The following GSG1L variants were observed in gnomAD, a reference collection of about 807,000 sequenced individuals.
GSG1L encodes GSG1 like, also known as germ cell-specific gene 1-like protein.
A neutral mutation model predicts 42.1 loss-of-function variants in GSG1L; 24 were observed. The observed-to-expected ratio is 0.57, with a 90% CI of 0.41 to 0.80. The LOEUF is 0.80. GSG1L is among the 30% of genes least tolerant of loss of function. The pLI, the probability that GSG1L is intolerant of heterozygous loss-of-function variation, is 0.00. For synonymous variants in GSG1L, 215 were observed against 203.5 expected, an observed-to-expected ratio of 1.06 and a Z score of -0.48; for missense variants, 445 against 472.2, an observed-to-expected ratio of 0.94 and a Z score of 0.53.
intron 1 of GSG1L, among the ~76,000 whole-genome samples, chr16:27,994,754 C>A (rs2085495650): frequency 6.6e-6 from 1 of 152,062 alleles, no homozygotes; most frequent in Admixed American, 6.6e-5. Context: ...ATGAAAATAG[C>A]CAAAGTCTGG....
At chr16:27,809,431 C>G (rs1026061493) in intron 5 of GSG1L, among the ~76,000 whole-genome samples, 3 of 151,774 alleles carry the variant, frequency 2.0e-5, no homozygotes, top group Non-Finnish European at 2.9e-5. Flanking sequence ...TAAGCCAGCA[C>G]ATGTGGTGTG....
chr16:28,063,373 G>A lies in GSG1L; in HGVS notation c.52C>T (p.Leu18=). 7.1e-7 allele frequency: 1 copy of A among 1,398,990 alleles called. No homozygotes were observed. The highest frequency in any genetic ancestry group is 9.4e-7 in the Non-Finnish European group (1 of 1,068,934). 86.7% of individuals were successfully genotyped at this position (1,398,990 alleles called of 1,614,324 possible). ...GCGGTGGTGGCGAACAGCAGCGCCA[G>A]CAGGTTCAGGGCCACGGCCAGGAGC... The part of the protein sequence containing the change: ...RALLAVALNL[L]ALLFATTAFL... Residue 18 remains leucine (L), a synonymous_variant, in exon 1 of 7, where the codon CTG becomes TTG. Transcript: ENST00000447459. The surrounding 1 kb of genome is among the most constrained non-coding windows in gnomAD (Gnocchi z 5.8).
chr16:27,919,010 A>G (rs1364668759), intron 2 of GSG1L, among the ~76,000 whole-genome samples: 3 of 152,168 alleles, frequency 2.0e-5, no homozygotes, highest in Non-Finnish European at 2.9e-5. Flanking sequence ...ACAGCTGTCC[A>G]GGCAGGCACT....
At chr16:27,989,888 T>A (rs1167946087) in intron 1 of GSG1L, among the ~76,000 whole-genome samples, 1 of 152,222 alleles carries the variant, frequency 6.6e-6, no homozygotes, top group Non-Finnish European at 1.5e-5. Context: ...TGTCTTGGTA[T>A]ATGCAGTTAA....
At chr16:27,937,415 A>C (rs1315233458) in intron 2 of GSG1L, among the ~76,000 whole-genome samples, 1 of 149,238 alleles carries the variant, frequency 6.7e-6, no homozygotes, top group Non-Finnish European at 1.5e-5. Flanking sequence ...CTAATTTTGT[A>C]TTTTTTAGTA....
At chr16:27,902,083 T>A (rs1373051463) in intron 2 of GSG1L, among the ~76,000 whole-genome samples, 1 of 152,202 alleles carries the variant, frequency 6.6e-6, no homozygotes, top group African/African-American at 2.4e-5. Context: ...TTATTGGAAG[T>A]GGTGTTATTC....
rs563146121 is a variant in GSG1L, at chr16:27,890,855, C to A, written c.398-6217G>T. 2.0e-5 allele frequency among the ~76,000 whole-genome samples: 3 copies of A among 152,318 alleles called. No individual in the cohort carries two copies. The South Asian group carries it at 6.2e-4, about 32-fold the overall frequency. ...GGAGTCAACAGGATGCCTCTGAACA[C>A]ATGTGGGAAGTGGGATTCCAGGGGA... On this transcript the variant is annotated intron_variant, in intron 2 of 6. Coordinates refer to ENST00000447459, the MANE Select transcript of GSG1L (RefSeq NM_001109763.2).
At chr16:28,062,179 T>G (rs968881218) in intron 1 of GSG1L, among the ~76,000 whole-genome samples, 1 of 152,140 alleles carries the variant, frequency 6.6e-6, no homozygotes, top group Non-Finnish European at 1.5e-5. Flanking sequence ...CTACCTGCTG[T>G]GTGGCACAAC....
intron 6 of GSG1L, among the ~76,000 whole-genome samples, chr16:27,799,940 A>G (rs959596194): frequency 5.9e-5 from 9 of 152,166 alleles, no homozygotes; most frequent in African/African-American, 1.9e-4. Context: ...TGGTCTGTAG[A>G]TCAGCAGCAT....
chr16:27,875,704 A>G (rs2083879596), intron 3 of GSG1L, among the ~76,000 whole-genome samples: 1 of 152,192 alleles, frequency 6.6e-6, no homozygotes, highest in Admixed American at 6.5e-5. Flanking sequence ...AATGAGAGTA[A>G]TTCATCCTCT....
intron 3 of GSG1L, 36 bp from the exon 4 acceptor site, chr16:27,845,097 T>C (rs779777635): frequency 7.0e-7 from 1 of 1,435,358 alleles, no homozygotes; most frequent in South Asian, 1.2e-5. Flanking sequence ...CGTCAGGAAG[T>C]AAGGAAGGGC....
At chr16:27,832,100 C>T (rs1398499803) in intron 4 of GSG1L, among the ~76,000 whole-genome samples, 2 of 152,162 alleles carry the variant, frequency 1.3e-5, no homozygotes, top group African/African-American at 2.4e-5. Flanking sequence ...CAGCCCTTAT[C>T]ACACCCTGTG....
intron 5 of GSG1L, among the ~76,000 whole-genome samples, chr16:27,828,050 TCATCCATCCATCCATCCATC>T (rs57317132): frequency 4.2e-4 from 55 of 131,186 alleles, no homozygotes; most frequent in African/African-American, 1.0e-3. Context: ...ATCCACCCAA[TCATCCATCCATCCATCCATC>T]CATCCATCCA....
intron 3 of GSG1L, among the ~76,000 whole-genome samples, chr16:27,871,336 A>G (rs1289518514): frequency 6.6e-6 from 1 of 152,198 alleles, no homozygotes; most frequent in African/African-American, 2.4e-5. Context: ...AATTGGGCAC[A>G]GACAAGTAAA....
intron 1 of GSG1L, among the ~76,000 whole-genome samples, chr16:28,038,076 G>A (rs1463472020): frequency 6.6e-5 from 10 of 152,162 alleles, no homozygotes; most frequent in African/African-American, 2.4e-4. Flanking sequence ...GCTAAGGCAC[G>A]GAGCAGTTAA....
chr16:27,791,357 G>C lies in GSG1L; in HGVS notation c.*13C>G. 1 of 1,386,084 alleles carries C rather than the reference G, an allele frequency of 7.2e-7. No homozygotes were observed. The highest frequency in any genetic ancestry group is 9.5e-7 in the Non-Finnish European group (1 of 1,057,882). The allele number at this position is 1,386,084 out of a possible 1,614,324, so 85.9% of individuals were successfully genotyped here. ...CGATGGCCTGAGGTCCGCGGGCCAG[G>C]TTGAGGTCTTGGTCACACCCAGTGC... On this transcript the variant is annotated 3_prime_UTR_variant, in exon 7 of 7. Coordinates refer to ENST00000447459, the MANE Select transcript of GSG1L (RefSeq NM_001109763.2).
chr16:28,003,976 G>A (rs1188649431), intron 1 of GSG1L, among the ~76,000 whole-genome samples: 1 of 152,254 alleles, frequency 6.6e-6, no homozygotes, highest in Non-Finnish European at 1.5e-5. Context: ...GAGTCAGTGT[G>A]GCAGGATGAC....
intron 1 of GSG1L, among the ~76,000 whole-genome samples, chr16:27,980,441 T>C (rs541426081): frequency 1.8e-4 from 28 of 151,862 alleles, no homozygotes; most frequent in African/African-American, 6.8e-4. Flanking sequence ...GTAGCAACAG[T>C]TTCACAAAGT....
chr16:27,864,781 G>T (rs954745774), intron 3 of GSG1L, among the ~76,000 whole-genome samples: 1 of 152,174 alleles, frequency 6.6e-6, no homozygotes, highest in East Asian at 1.9e-4. Context: ...GGCCTACAAA[G>T]CTGAGGATGA....
Sources: allele counts gnomAD v4.1 joint callset (sites outside exome capture counted in the v4.1 genomes callset), GRCh38; gene constraint gnomAD v4.1.1; non-coding constraint Gnocchi (gnomAD v3.1); transcripts MANE v1.5; gene names NCBI Gene and HGNC (gene_info 2026-07-23, HGNC 2026-07-21).